The following FAM219A variants were observed in gnomAD, a reference collection of about 807,000 sequenced individuals.
FAM219A encodes protein FAM219A.
In FAM219A, 7 loss-of-function variants were observed where a neutral mutation model predicts 23.4. The ratio of observed to expected loss-of-function variants is 0.30; its 90% confidence interval spans 0.17 to 0.56. FAM219A has a LOEUF of 0.56. Among genes scored for constraint, FAM219A ranks in the 20% least tolerant of loss-of-function variants. FAM219A has a pLI of 0.92. For synonymous variants in FAM219A, 93 were observed against 99.0 expected, an observed-to-expected ratio of 0.94 and a Z score of 0.36; for missense variants, 166 against 246.9, an observed-to-expected ratio of 0.67 and a Z score of 2.20.
chr9:34,428,228 C>T (rs184403373), intron 1 of FAM219A, among the ~76,000 whole-genome samples: 1 of 152,152 alleles, frequency 6.6e-6, no homozygotes, highest in Admixed American at 6.5e-5. Flanking sequence ...CAGTAAACAC[C>T]CAAGGCAGGG....
At chr9:34,429,971 C>T (rs1280464775) in intron 1 of FAM219A, among the ~76,000 whole-genome samples, 1 of 152,158 alleles carries the variant, frequency 6.6e-6, no homozygotes, top group East Asian at 1.9e-4. Context: ...CTTACCCCAT[C>T]CCCAGGACTC....
At chr9:34,443,821 G>A (rs893406186) in intron 1 of FAM219A, among the ~76,000 whole-genome samples, 5 of 151,902 alleles carry the variant, frequency 3.3e-5, no homozygotes, top group Non-Finnish European at 7.4e-5. Context: ...TCCTGTGACT[G>A]TCTCTCTGCT....
At chr9:34,435,130 G>A (rs1165701846) in intron 1 of FAM219A, among the ~76,000 whole-genome samples, 1 of 152,068 alleles carries the variant, frequency 6.6e-6, no homozygotes, top group African/African-American at 2.4e-5. Context: ...CAGTGTTGAT[G>A]ATTTTCTGTT....
chr9:34,402,181 G>T, intron 4 of FAM219A: 1 of 1,500,814 alleles, frequency 6.7e-7, no homozygotes, highest in South Asian at 1.3e-5. Context: ...GACAACGCAG[G>T]CCCCCCTTTC....
chr9:34,433,300 A>G (rs1822782387), intron 1 of FAM219A, among the ~76,000 whole-genome samples: 1 of 152,098 alleles, frequency 6.6e-6, no homozygotes, highest in African/African-American at 2.4e-5. Context: ...ATTTTGATCT[A>G]CTTCTTCCTC....
intron 1 of FAM219A, among the ~76,000 whole-genome samples, chr9:34,451,450 G>A (rs940860622): frequency 2.6e-5 from 4 of 152,036 alleles, no homozygotes; most frequent in East Asian, 3.8e-4. Flanking sequence ...CTTTCCACAC[G>A]CTCTGGAGCT....
intron 1 of FAM219A, among the ~76,000 whole-genome samples, chr9:34,428,090 G>A (rs919558459): frequency 6.6e-6 from 1 of 152,166 alleles, no homozygotes; most frequent in African/African-American, 2.4e-5. Context: ...TCGGAAGAAT[G>A]GGAAACCAGC....
At chr9:34,412,570 T>G (rs1026675471) in intron 1 of FAM219A, among the ~76,000 whole-genome samples, 1 of 141,608 alleles carries the variant, frequency 7.1e-6, no homozygotes, top group African/African-American at 2.6e-5. Context: ...TAAGTCACAG[T>G]GAAGAATAAA....
chr9:34,441,355 A>C (rs1048492008), intron 1 of FAM219A, among the ~76,000 whole-genome samples: 2 of 152,228 alleles, frequency 1.3e-5, no homozygotes, highest in African/African-American at 4.8e-5. Context: ...AGGAAGATTC[A>C]GAGAGCAGAT....
At chr9:34,401,591 T>C (rs1418346032) in intron 5 of FAM219A, 75 bp downstream of exon 5, 2 of 1,526,992 alleles carry the variant, frequency 1.3e-6, no homozygotes, top group Non-Finnish European at 1.8e-6. Context: ...TACTTGGGCA[T>C]TGGCCCCAGC....
At chr9:34,443,521 C>T (rs1823261952) in intron 1 of FAM219A, among the ~76,000 whole-genome samples, 1 of 152,160 alleles carries the variant, frequency 6.6e-6, no homozygotes, top group Non-Finnish European at 1.5e-5. Context: ...GAATTACAGA[C>T]AGAAAAAGAA....
At chr9:34,440,088 G>T (rs1286110601) in intron 1 of FAM219A, among the ~76,000 whole-genome samples, 1 of 152,198 alleles carries the variant, frequency 6.6e-6, no homozygotes, top group African/African-American at 2.4e-5. Flanking sequence ...AAGGAGGAGT[G>T]TGGGCAGGGT....
intron 1 of FAM219A, among the ~76,000 whole-genome samples, chr9:34,424,473 G>T (rs934007474): frequency 6.6e-6 from 1 of 152,100 alleles, no homozygotes; most frequent in African/African-American, 2.4e-5. Context: ...GGCAAGGGAG[G>T]CTGACCAGGG....
chr9:34,437,279 T>C (rs2131992266), intron 1 of FAM219A, among the ~76,000 whole-genome samples: 1 of 152,310 alleles, frequency 6.6e-6, no homozygotes, highest in Non-Finnish European at 1.5e-5. Flanking sequence ...GGCCCTTCTC[T>C]TTAAAACAGG....
chr9:34,441,061 AAAGAG>A (rs1001890884), intron 1 of FAM219A, among the ~76,000 whole-genome samples: 3 of 152,048 alleles, frequency 2.0e-5, no homozygotes, highest in Admixed American at 2.0e-4. Context: ...ACTTGGCTGG[AAAGAG>A]AAAAGGACCT....
At chr9:34,413,150 G>C (rs558929753) in intron 1 of FAM219A, among the ~76,000 whole-genome samples, 2 of 151,684 alleles carry the variant, frequency 1.3e-5, no homozygotes, top group East Asian at 3.9e-4. Context: ...TAACAAAACA[G>C]AAGGGAGGTA....
chr9:34,451,977 A>G (rs1202487901), intron 1 of FAM219A, among the ~76,000 whole-genome samples: 1 of 152,226 alleles, frequency 6.6e-6, no homozygotes, highest in Non-Finnish European at 1.5e-5. Flanking sequence ...AATCAGTCAG[A>G]AAAAAACCCA....
At chr9:34,416,388 C>CT (rs1408525006) in intron 1 of FAM219A, among the ~76,000 whole-genome samples, 2 of 151,898 alleles carry the variant, frequency 1.3e-5, no homozygotes, top group African/African-American at 4.8e-5. Context: ...TCTTTCTTAG[C>CT]TTCAGTTGGG....
At chr9:34,449,733 G>T (rs900479982) in intron 1 of FAM219A, among the ~76,000 whole-genome samples, 1 of 152,216 alleles carries the variant, frequency 6.6e-6, no homozygotes, top group African/African-American at 2.4e-5. Context: ...ATGAAAAAAG[G>T]TTCTATAGTT....
Sources: allele counts gnomAD v4.1 joint callset (sites outside exome capture counted in the v4.1 genomes callset), GRCh38; gene constraint gnomAD v4.1.1; transcripts MANE v1.5; gene names NCBI Gene and HGNC (gene_info 2026-07-23, HGNC 2026-07-21).